The following DAB1 variants were observed in gnomAD, a reference collection of about 807,000 sequenced individuals.
DAB1 encodes disabled homolog 1.
DAB1 carries 15 observed loss-of-function variants against 64.6 expected under a neutral mutation model. The observed-to-expected ratio is 0.23, with a 90% CI of 0.16 to 0.36. The LOEUF is 0.36. DAB1 is among the 10% of genes least tolerant of loss of function. DAB1 has a pLI of 1.00. For missense variants in DAB1, 596 were observed against 706.7 expected (o/e 0.84, Z 1.78); for synonymous variants, 235 against 251.9 (o/e 0.93, Z 0.64).
intron 2 of DAB1, among the ~76,000 whole-genome samples, chr1:58,510,555 T>G (rs539788934): frequency 6.6e-6 from 1 of 152,178 alleles, no homozygotes; most frequent in South Asian, 2.1e-4. Flanking sequence ...TTCCTCTAAG[T>G]CTAGGAACAA....
chr1:57,246,906 G>A (rs555703406), intron 2 of DAB1, among the ~76,000 whole-genome samples: 1 of 152,254 alleles, frequency 6.6e-6, no homozygotes, highest in Non-Finnish European at 1.5e-5. Flanking sequence ...CTTTGGTTCT[G>A]GCCAATTTCT....
chr1:58,474,514 C>G lies in DAB1; in HGVS notation n.257+31546G>C, dbSNP rs1220996016. Among the ~76,000 whole-genome samples, 3 of 152,214 alleles carry G rather than the reference C, an allele frequency of 2.0e-5. No homozygotes were observed. In the South Asian group the frequency reaches 6.2e-4, roughly 32 times the overall value. The stretch of plus-strand genomic sequence containing the variant: ...TGGTGGCCCATGTGACTTTGGGTAC[C>G]TGTTAGGGTCCAAAAAGTACCCTAA... On this transcript the variant is annotated intron_variant and non_coding_transcript_variant, in intron 3 of 20. Coordinates refer to the DAB1 transcript ENST00000485760.
At chr1:58,236,391 C>T (rs1488335788) in intron 4 of DAB1, among the ~76,000 whole-genome samples, 1 of 151,964 alleles carries the variant, frequency 6.6e-6, no homozygotes, top group African/African-American at 2.4e-5. Flanking sequence ...GGCTCTGGGA[C>T]CCAAGACGAG....
intron 3 of DAB1, among the ~76,000 whole-genome samples, chr1:58,499,199 G>C (rs1645855133): frequency 6.6e-6 from 1 of 150,870 alleles, no homozygotes; most frequent in Non-Finnish European, 1.5e-5. Context: ...CAGAGAAATT[G>C]TGAGTAGAAT....
At chr1:57,809,314 T>C (rs753695357) in intron 6 of DAB1, among the ~76,000 whole-genome samples, 1 of 152,230 alleles carries the variant, frequency 6.6e-6, no homozygotes, top group Non-Finnish European at 1.5e-5. Context: ...ACAGCTACAC[T>C]GAGCCAACTA....
intron 3 of DAB1, among the ~76,000 whole-genome samples, chr1:58,381,144 CA>C (rs756955247): frequency 1.5e-4 from 23 of 152,076 alleles, no homozygotes; most frequent in Non-Finnish European, 2.8e-4. Flanking sequence ...GAGCCTGTCT[CA>C]GGGGGAAAAG....
Position 57,179,096 on chromosome 1 carries a change from C to A in DAB1, c.68-33667G>T, listed in dbSNP as rs545438977. On this transcript the variant is annotated intron_variant, in intron 2 of 14. Transcript: ENST00000371236. Reference sequence around the variant, plus strand: ...GAGTCATCAGCAGATGTCAAACAGACCTTCAACCTCATTTAGAAATCTTGA... The same window carrying A: ...GAGTCATCAGCAGATGTCAAACAGAACTTCAACCTCATTTAGAAATCTTGA... Among the ~76,000 whole-genome samples the A allele has an allele frequency of 3.3e-5, 5 of 152,260 alleles. No individual in the cohort carries two copies. In the South Asian group the frequency reaches 6.2e-4, roughly 19 times the overall value.
chr1:58,112,938 A>G (rs1443383165), intron 5 of DAB1, among the ~76,000 whole-genome samples: 2 of 152,192 alleles, frequency 1.3e-5, no homozygotes, highest in African/African-American at 4.8e-5. Context: ...TCTGAGACAC[A>G]ATGCTTCCTG....
intron 4 of DAB1, among the ~76,000 whole-genome samples, chr1:58,300,636 GA>G (rs1557726217): frequency 0.044 from 2,552 of 58,326 alleles, 139 homozygotes; most frequent in East Asian, 0.17. Context: ...GAGAGAGAGA[GA>G]GAGAGAGAGA....
intron 1 of DAB1, among the ~76,000 whole-genome samples, chr1:57,314,694 G>T (rs1317237073): frequency 6.6e-6 from 1 of 151,784 alleles, no homozygotes; most frequent in Non-Finnish European, 1.5e-5. Context: ...GAGGCAGAAG[G>T]ATCGCTTGAG....
chr1:57,259,444 A>G (rs1670013082), intron 2 of DAB1, among the ~76,000 whole-genome samples: 1 of 152,188 alleles, frequency 6.6e-6, no homozygotes, highest in South Asian at 2.1e-4. Flanking sequence ...AAAGTAGCTG[A>G]ACTAAGTCTT....
At chr1:57,169,637 G>A (rs953915637) in intron 2 of DAB1, among the ~76,000 whole-genome samples, 4 of 152,148 alleles carry the variant, frequency 2.6e-5, no homozygotes, top group African/African-American at 9.7e-5. Flanking sequence ...GCAAAAGTCA[G>A]TTTAGCCAGA....
chr1:57,071,371 T>C, intron 6 of DAB1, 151 bp downstream of exon 6: 5 of 875,622 alleles, frequency 5.7e-6, no homozygotes, highest in South Asian at 5.3e-5. Flanking sequence ...TAATTTCTAA[T>C]GGCTTGCTTT....
At chr1:58,253,297 C>G (rs527838574) in intron 4 of DAB1, among the ~76,000 whole-genome samples, 4 of 152,326 alleles carry the variant, frequency 2.6e-5, no homozygotes, top group Admixed American at 6.5e-5. Flanking sequence ...TCATTTTCTT[C>G]TCTCCTGCCA....
chr1:58,010,830 G>A (rs1299983982), intron 5 of DAB1, among the ~76,000 whole-genome samples: 8 of 152,164 alleles, frequency 5.3e-5, no homozygotes, highest in Admixed American at 3.9e-4. Flanking sequence ...CACACTCTCT[G>A]GGAAGTAGAA....
upstream of DAB1, chr1:57,424,153 C>G (rs1685158165): frequency 6.7e-6 from 1 of 148,678 alleles, no homozygotes; most frequent in South Asian, 1.8e-4. Context: ...CCCCGCCCCG[C>G]CGCCCCCCGC....
chr1:57,160,825 A>G (rs1660674096), intron 2 of DAB1, among the ~76,000 whole-genome samples: 1 of 152,146 alleles, frequency 6.6e-6, no homozygotes, highest in South Asian at 2.1e-4. Flanking sequence ...ACTGCCTGCA[A>G]TCATATCCCT....
intron 5 of DAB1, among the ~76,000 whole-genome samples, chr1:57,908,087 C>T (rs1037685711): frequency 9.9e-5 from 15 of 152,126 alleles, no homozygotes; most frequent in African/African-American, 3.6e-4. Flanking sequence ...ATATGCAATC[C>T]ATCATTGCCT....
intron 7 of DAB1, among the ~76,000 whole-genome samples, chr1:57,553,026 A>G (rs2101479980): frequency 1.3e-5 from 2 of 152,158 alleles, no homozygotes; most frequent in East Asian, 3.9e-4. Flanking sequence ...CTGGGTATGT[A>G]CGTGGCTCCT....
Sources: gnomAD v4.1 joint callset for allele counts (sites outside exome capture counted in the v4.1 genomes callset) on GRCh38, gnomAD v4.1.1 for gene constraint, MANE v1.5 for transcripts, NCBI Gene and HGNC (gene_info 2026-07-23, HGNC 2026-07-21) for gene names.